CLSTN2: variants seen among roughly 807,000 people sequenced by gnomAD.
CLSTN2 encodes calsyntenin-2.
Under a neutral mutation model 101.2 loss-of-function variants are expected in CLSTN2, and 48 were observed. That is an observed-to-expected ratio of 0.47 (90% CI 0.38 to 0.60). The LOEUF (loss-of-function observed/expected upper bound fraction) is 0.60, where lower values mean the gene tolerates loss of function less well. Ranked by LOEUF, CLSTN2 falls within the 20% of genes least tolerant of loss-of-function variation. The pLI is 0.00. For synonymous variants in CLSTN2, 481 were observed against 463.6 expected, an observed-to-expected ratio of 1.04 and a Z score of -0.48; for missense variants, 1,160 against 1,238.2, an observed-to-expected ratio of 0.94 and a Z score of 0.95.
intron 5 of CLSTN2, among the ~76,000 whole-genome samples, chr3:140,424,824 C>T (rs942839205): frequency 9.2e-5 from 14 of 151,972 alleles, no homozygotes; most frequent in African/African-American, 3.4e-4. Context: ...GTTTGGCTTG[C>T]ACAGAAGGCT....
chr3:140,226,075 G>A (rs1559811690), intron 2 of CLSTN2, among the ~76,000 whole-genome samples: 1 of 152,134 alleles, frequency 6.6e-6, no homozygotes, highest in Non-Finnish European at 1.5e-5. Context: ...ACAACCACCT[G>A]GGTGAATCCC....
At chr3:140,237,215 G>C (rs2086426060) in intron 2 of CLSTN2, among the ~76,000 whole-genome samples, 1 of 152,128 alleles carries the variant, frequency 6.6e-6, no homozygotes, top group African/African-American at 2.4e-5. Context: ...GCATTTTTAA[G>C]TGGGAACAGA....
chr3:140,278,368 G>A (rs946898052), intron 2 of CLSTN2, among the ~76,000 whole-genome samples: 4 of 151,942 alleles, frequency 2.6e-5, no homozygotes, highest in African/African-American at 4.8e-5. Flanking sequence ...TTGAGCGAGC[G>A]GGTCCCCACT....
At chr3:140,332,094 G>A (rs1161585159) in intron 2 of CLSTN2, among the ~76,000 whole-genome samples, 1 of 152,176 alleles carries the variant, frequency 6.6e-6, no homozygotes, top group Non-Finnish European at 1.5e-5. Flanking sequence ...GGGGCTCTGG[G>A]AGCCGGGGCA....
intron 1 of CLSTN2, among the ~76,000 whole-genome samples, chr3:139,996,779 G>A (rs531653343): frequency 2.0e-5 from 3 of 152,130 alleles, no homozygotes; most frequent in African/African-American, 7.2e-5. Flanking sequence ...CGGGTGTGGC[G>A]GCTCATGACT....
chr3:140,459,778 C>G lies in CLSTN2; in HGVS notation c.1222+9C>G. On this transcript the variant is annotated intron_variant, in intron 7 of 16. Transcript: ENST00000458420. ...CAACTCAGACAAAACCGGTGAGTCTCTAGCCCAGCCCTTCCACCCCTCCTA... is the reference window on the plus strand; with the variant it reads ...CAACTCAGACAAAACCGGTGAGTCTGTAGCCCAGCCCTTCCACCCCTCCTA... The G allele has an allele frequency of 2.5e-6, 4 of 1,597,680 alleles. No homozygotes were observed. The African/African-American group carries it at 4.2e-5, about 17-fold the overall frequency.
intron 1 of CLSTN2, among the ~76,000 whole-genome samples, chr3:139,987,827 T>C (rs1224104320): frequency 1.3e-5 from 2 of 152,158 alleles, no homozygotes; most frequent in Admixed American, 1.3e-4. Context: ...GGGAATTCAG[T>C]CCCTGAGATA....
chr3:139,988,260 C>T (rs1208914050), intron 1 of CLSTN2, among the ~76,000 whole-genome samples: 1 of 152,144 alleles, frequency 6.6e-6, no homozygotes, highest in East Asian at 1.9e-4. Context: ...TTAGACTTTC[C>T]CTTTAAATTT....
intron 1 of CLSTN2, among the ~76,000 whole-genome samples, chr3:139,940,688 T>C (rs1400636674): frequency 2.6e-5 from 4 of 152,156 alleles, no homozygotes; most frequent in Admixed American, 1.3e-4. Flanking sequence ...TATATAAATG[T>C]AAATGCACAT....
intron 1 of CLSTN2, among the ~76,000 whole-genome samples, chr3:139,998,319 A>C (rs1048196918): frequency 2.1e-4 from 25 of 121,032 alleles, no homozygotes; most frequent in Non-Finnish European, 4.1e-4. Flanking sequence ...TAATGGGATA[A>C]TAGTTCCCCC....
chr3:140,072,576 C>G (rs946055558), intron 1 of CLSTN2, among the ~76,000 whole-genome samples: 15 of 152,094 alleles, frequency 9.9e-5, no homozygotes, highest in African/African-American at 3.6e-4. Flanking sequence ...ATGTTTTAGT[C>G]TAATAATACT....
intron 5 of CLSTN2, among the ~76,000 whole-genome samples, chr3:140,436,302 G>T: frequency 6.6e-6 from 1 of 152,212 alleles, no homozygotes; most frequent in East Asian, 1.9e-4. Context: ...TTCTGCATAT[G>T]CATATCCAGT....
Position 140,577,106 on chromosome 3 carries a change from G to A in CLSTN2, c.*10853G>A, listed in dbSNP as rs1985754668. 1 of 152,188 alleles carries A rather than the reference G, an allele frequency of 6.6e-6. No homozygotes were observed. Among genetic ancestry groups the A allele is most frequent in the Non-Finnish European group, 1.5e-5 (1 of 68,034 alleles). The allele number at this position is 152,188 out of a possible 1,614,324, so 9.4% of individuals were successfully genotyped here. A position where few individuals can be genotyped will look rare whatever the true frequency, so the allele number is the denominator to read the frequency against. On this transcript the variant is annotated 3_prime_UTR_variant, in exon 17 of 17. Transcript: ENST00000458420. Reference sequence around the variant, plus strand: ...AGACTGACACAGAGTGAGGGGCGCTGAGAGTCTCTATGTATATAAAGATAT... The same window carrying A: ...AGACTGACACAGAGTGAGGGGCGCTAAGAGTCTCTATGTATATAAAGATAT...
intron 1 of CLSTN2, among the ~76,000 whole-genome samples, chr3:139,942,439 G>T (rs1050642129): frequency 6.6e-6 from 1 of 152,114 alleles, no homozygotes; most frequent in African/African-American, 2.4e-5. Context: ...TCCTGATTCG[G>T]TTATTCATTT....
Position 139,935,241 on chromosome 3 carries a change from A to G in CLSTN2, c.-134A>G. Reference sequence around the variant, plus strand: ...GCGCAGCGGCGGGAACCCGAGGCCGAGCGCCGCGGCGGCAGCGCTAGAAGC... The same window carrying G: ...GCGCAGCGGCGGGAACCCGAGGCCGGGCGCCGCGGCGGCAGCGCTAGAAGC... On this transcript the variant is annotated 5_prime_UTR_variant, in exon 1 of 17. Transcript: ENST00000458420. This position sits in a 1 kb window ranked among gnomAD's most constrained non-coding sequence, Gnocchi z 5.5. The G allele has an allele frequency of 2.5e-6, 1 of 396,370 alleles. No homozygotes were observed. The highest frequency in any genetic ancestry group is 4.2e-6 in the Non-Finnish European group (1 of 237,630). The allele number at this position is 396,370 out of a possible 1,614,324, so 24.6% of individuals were successfully genotyped here.
rs74676272 is a variant in CLSTN2, at chr3:139,979,825, C to A, written c.109+44342C>A. ...ATTAGCCAGGATTTATGTGCCAAAA[C>A]TGAACTCTTGGCTCCTCCCTCTCAA... On this transcript the variant is annotated intron_variant, in intron 1 of 16. Transcript: ENST00000458420. 7.2e-3 allele frequency among the ~76,000 whole-genome samples: 1,096 copies of A among 152,066 alleles called. 20 individuals are homozygous for A. Among genetic ancestry groups the A allele is most frequent in the East Asian group, 0.071 (368 of 5,158 alleles).
chr3:140,247,722 C>G (rs1454675501), intron 2 of CLSTN2, among the ~76,000 whole-genome samples: 1 of 152,090 alleles, frequency 6.6e-6, no homozygotes, highest in Admixed American at 6.6e-5. Context: ...GGGGGCTCAT[C>G]AACAGTAAAG....
At chr3:140,070,641 T>C (rs1353930830) in intron 1 of CLSTN2, among the ~76,000 whole-genome samples, 1 of 152,298 alleles carries the variant, frequency 6.6e-6, no homozygotes, top group Non-Finnish European at 1.5e-5. Context: ...TTCCCAGCTA[T>C]TAACTATTAC....
chr3:140,333,360 GTC>G, intron 2 of CLSTN2, among the ~76,000 whole-genome samples: 1 of 152,288 alleles, frequency 6.6e-6, no homozygotes, highest in South Asian at 2.1e-4. Context: ...GTCTTAGCGT[GTC>G]TCTCTGTAAA....
Sources: gnomAD v4.1 joint callset for allele counts (sites outside exome capture counted in the v4.1 genomes callset) on GRCh38, gnomAD v4.1.1 for gene constraint, Gnocchi (gnomAD v3.1) non-coding constraint, MANE v1.5 for transcripts, NCBI Gene and HGNC (gene_info 2026-07-23, HGNC 2026-07-21) for gene names.